Variants in STK3 observed in about 807,000 individuals in gnomAD.
STK3 encodes the protein serine/threonine kinase 3.
STK3 carries 41 observed loss-of-function variants against 58.0 expected under a neutral mutation model. The ratio of observed to expected loss-of-function variants is 0.71; its 90% CI spans 0.55 to 0.92. The LOEUF is 0.92. STK3 is among the 40% of genes least tolerant of loss of function. The pLI is 0.00. For synonymous variants in STK3, 170 were observed against 191.0 expected, an observed-to-expected ratio of 0.89 and a Z score of 0.91; for missense variants, 479 against 602.7, an observed-to-expected ratio of 0.79 and a Z score of 2.15.
intron 1 of STK3, among the ~76,000 whole-genome samples, chr8:98,785,591 T>C (rs1014577821): frequency 3.3e-5 from 5 of 152,132 alleles, no homozygotes; most frequent in African/African-American, 1.2e-4. Flanking sequence ...CAGACTACTG[T>C]ACACTCCACA....
intron 4 of STK3, among the ~76,000 whole-genome samples, chr8:98,711,734 C>T (rs1022231093): frequency 4.6e-5 from 7 of 152,286 alleles, no homozygotes; most frequent in African/African-American, 1.7e-4. Flanking sequence ...AGGAGAACTT[C>T]CTCAACCTAC....
At chr8:98,629,115 G>A (rs1818976029) in intron 6 of STK3, among the ~76,000 whole-genome samples, 1 of 151,958 alleles carries the variant, frequency 6.6e-6, no homozygotes, top group African/African-American at 2.4e-5. Flanking sequence ...TTGTGACTTT[G>A]GCTAAATTAT....
chr8:98,895,837 C>T (rs1041427461), intron 1 of STK3, among the ~76,000 whole-genome samples: 1 of 152,162 alleles, frequency 6.6e-6, no homozygotes, highest in Non-Finnish European at 1.5e-5. Flanking sequence ...AAGGCTTCTA[C>T]TTGCAGCAGA....
At chr8:98,803,608 AG>A (rs367697029) in intron 1 of STK3, among the ~76,000 whole-genome samples, 3,018 of 123,544 alleles carry the variant, frequency 0.024, 302 homozygotes, top group Non-Finnish European at 0.033. Flanking sequence ...AAAAAAAAAA[AG>A]AAAAAAAAAG....
chr8:98,826,246 T>C (rs1835298723), upstream of STK3, among the ~76,000 whole-genome samples: 1 of 152,230 alleles, frequency 6.6e-6, no homozygotes. Context: ...GAAGTATTAC[T>C]TTCTCACTGC....
intron 1 of STK3, among the ~76,000 whole-genome samples, chr8:98,909,653 C>G (rs1203045797): frequency 6.6e-6 from 1 of 152,158 alleles, no homozygotes; most frequent in East Asian, 1.9e-4. Context: ...ATGATATGTT[C>G]AAGGGTTATC....
chr8:98,742,269 A>G (rs187394838), intron 4 of STK3, among the ~76,000 whole-genome samples: 62 of 151,850 alleles, frequency 4.1e-4, no homozygotes, highest in Non-Finnish European at 7.5e-4. Context: ...CCGGGCAGAA[A>G]CACAACCAAA....
chr8:98,771,144 C>G (rs1831293541), intron 2 of STK3, among the ~76,000 whole-genome samples: 1 of 152,200 alleles, frequency 6.6e-6, no homozygotes. Context: ...CTTTCTGTCT[C>G]TACAGATTTA....
chr8:98,383,269 T>C (rs1586543618), intron 1 of STK3, among the ~76,000 whole-genome samples: 3 of 152,180 alleles, frequency 2.0e-5, no homozygotes, highest in Admixed American at 6.5e-5. Flanking sequence ...TCAAATAACT[T>C]GCCCAAAGTC....
intron 3 of STK3, among the ~76,000 whole-genome samples, chr8:98,419,773 C>T (rs1034423036): frequency 6.6e-6 from 1 of 152,200 alleles, no homozygotes; most frequent in African/African-American, 2.4e-5. Context: ...AATCTCGACA[C>T]CCTGTGGTTT....
chr8:98,542,360 G>T (rs111521484), intron 9 of STK3, among the ~76,000 whole-genome samples: 2 of 152,024 alleles, frequency 1.3e-5, no homozygotes, highest in Admixed American at 6.5e-5. Flanking sequence ...ACACACTCTC[G>T]GTCAGGAGAT....
chr8:98,408,871 G>C (rs897347022), intron 3 of STK3, among the ~76,000 whole-genome samples: 1 of 152,116 alleles, frequency 6.6e-6, no homozygotes, highest in South Asian at 2.1e-4. Flanking sequence ...CATTTTTCTG[G>C]ACCAGTCCTG....
chr8:98,582,860 C>T (rs867771847), intron 7 of STK3, among the ~76,000 whole-genome samples: 4 of 152,104 alleles, frequency 2.6e-5, no homozygotes, highest in Middle Eastern at 3.2e-3. Flanking sequence ...TATATGGTTA[C>T]TCAGTGACTG....
chr8:98,713,898 C>T (rs1469047663), intron 4 of STK3, among the ~76,000 whole-genome samples: 10 of 152,198 alleles, frequency 6.6e-5, no homozygotes, highest in East Asian at 1.9e-4. Flanking sequence ...ACTGACAAAC[C>T]GAATCCAGCA....
At chr8:98,748,161 A>C (rs767206610) in intron 4 of STK3, among the ~76,000 whole-genome samples, 23 of 152,144 alleles carry the variant, frequency 1.5e-4, no homozygotes, top group Non-Finnish European at 2.5e-4. Flanking sequence ...GATAACTTTA[A>C]ATACCAAATG....
chr8:98,416,895 C>G (rs975652793), intron 3 of STK3, among the ~76,000 whole-genome samples: 1 of 152,174 alleles, frequency 6.6e-6, no homozygotes. Flanking sequence ...CCCACCCTCC[C>G]GAAGGTCTCT....
At chr8:98,903,544 CTTCTTCTTCTTCCT>C (rs1564093544) in intron 1 of STK3, among the ~76,000 whole-genome samples, 4 of 25,354 alleles carry the variant, frequency 1.6e-4, no homozygotes, top group Admixed American at 6.2e-4. Flanking sequence ...TCTTCTTCTT[CTTCTTCTTCTTCCT>C]TTTTTTTTTT....
At chr8:98,524,194 T>C (rs1018128863) in intron 10 of STK3, among the ~76,000 whole-genome samples, 1 of 152,242 alleles carries the variant, frequency 6.6e-6, no homozygotes, top group African/African-American at 2.4e-5. Flanking sequence ...CTCAGCTCTC[T>C]ATTCCATTGG....
chr8:98,591,230 G>A (rs1172180169), intron 7 of STK3, among the ~76,000 whole-genome samples: 2 of 152,142 alleles, frequency 1.3e-5, no homozygotes, highest in South Asian at 2.1e-4. Context: ...TGAGCTATGC[G>A]ATCATGAGGG....
Sources: gnomAD v4.1 joint callset for allele counts (sites outside exome capture counted in the v4.1 genomes callset) on GRCh38, gnomAD v4.1.1 for gene constraint, MANE v1.5 for transcripts, NCBI Gene and HGNC (gene_info 2026-07-23, HGNC 2026-07-21) for gene names.